Variants in FTO observed in about 807,000 individuals in gnomAD.
FTO encodes alpha-ketoglutarate-dependent dioxygenase FTO.
FTO carries 47 observed loss-of-function variants against 63.9 expected under a neutral mutation model. The ratio of observed to expected loss-of-function variants is 0.74; its 90% CI spans 0.58 to 0.94. The LOEUF (loss-of-function observed/expected upper bound fraction) is 0.94, where lower values mean the gene tolerates loss of function less well. FTO is among the 40% of genes least tolerant of loss of function. The probability of loss-of-function intolerance (pLI) is 0.00; values close to 1 mark genes in which losing one functional copy is unlikely to be tolerated. For synonymous variants in FTO, 207 were observed against 224.4 expected, an observed-to-expected ratio of 0.92 and a Z score of 0.69; for missense variants, 562 against 618.1, an observed-to-expected ratio of 0.91 and a Z score of 0.96.
In FTO at chr16:53,793,274, T is replaced by G. The variant is rs57703448; in HGVS notation, c.46-16866T>G. ...CCGCAATCACTCCCTAATCTTTATTTCTTTTTTGCTTCGCATCATATACAT... is the reference window on the plus strand; with the variant it reads ...CCGCAATCACTCCCTAATCTTTATTGCTTTTTTGCTTCGCATCATATACAT... On this transcript the variant is annotated intron_variant, in intron 1 of 8. Coordinates refer to ENST00000471389, the MANE Select transcript of FTO (RefSeq NM_001080432.3). Among the ~76,000 whole-genome samples the G allele has an allele frequency of 2.0e-3, 307 of 152,312 alleles. 2 individuals are homozygous for G. Among genetic ancestry groups the G allele is most frequent in the African/African-American group, 6.7e-3 (279 of 41,572 alleles).
chr16:54,093,120 C>G (rs1164595478), intron 8 of FTO, among the ~76,000 whole-genome samples: 2 of 152,198 alleles, frequency 1.3e-5, no homozygotes, highest in Non-Finnish European at 1.5e-5. Context: ...TGGGACCCAT[C>G]CATTCATGCC....
rs541618531 is a variant in FTO at position 53,772,760 on chromosome 16, T to C, written c.46-37380T>C. Among the ~76,000 whole-genome samples, 3 of 152,268 alleles carry C rather than the reference T, an allele frequency of 2.0e-5. No homozygotes were observed. In the South Asian group the frequency reaches 6.2e-4, roughly 32 times the overall value. On this transcript the variant is annotated intron_variant, in intron 1 of 8. Coordinates refer to ENST00000471389, the MANE Select transcript of FTO (RefSeq NM_001080432.3). ...ATCATCAGCTTGGAAGCAGTCTCCA[T>C]GGGAAAAGTAATTTTGATTCAAAGG...
chr16:54,113,347 TGAA>T lies in FTO; in HGVS notation c.*1435_*1437del, dbSNP rs1191056040. 1 of 152,210 alleles carries T rather than the reference TGAA, an allele frequency of 6.6e-6. No individual in the cohort carries two copies. Among genetic ancestry groups the T allele is most frequent in the Admixed American group, 6.5e-5 (1 of 15,290 alleles). 9.4% of individuals were successfully genotyped at this position (152,210 alleles called of 1,614,324 possible). On this transcript the variant is annotated 3_prime_UTR_variant, in exon 9 of 9. Coordinates refer to ENST00000471389, the MANE Select transcript of FTO (RefSeq NM_001080432.3). ...TAGTTGTTCACAGTAGTTGAGAAGTTGAAGAGCTTTTGCCTATTGAAGGTGCAC... is the reference window on the plus strand; with the variant it reads ...TAGTTGTTCACAGTAGTTGAGAAGTTGAGCTTTTGCCTATTGAAGGTGCAC...
chr16:53,798,424 C>CAT (rs1425784463), intron 1 of FTO, among the ~76,000 whole-genome samples: 2 of 152,086 alleles, frequency 1.3e-5, no homozygotes, highest in Non-Finnish European at 2.9e-5. Flanking sequence ...ACTAACATGG[C>CAT]ATATCTCTTT....
intron 8 of FTO, among the ~76,000 whole-genome samples, chr16:53,983,538 A>G (rs2083595091): frequency 6.6e-6 from 1 of 152,212 alleles, no homozygotes; most frequent in Admixed American, 6.5e-5. Flanking sequence ...GAGTTTCAGA[A>G]ACCCTTTTCT....
intron 1 of FTO, among the ~76,000 whole-genome samples, chr16:53,725,428 A>G (rs1279189236): frequency 1.3e-5 from 2 of 152,258 alleles, no homozygotes; most frequent in East Asian, 3.8e-4. Flanking sequence ...CTATCCAAAT[A>G]GTATGTGAGT....
chr16:54,038,589 G>T (rs2084998271), intron 8 of FTO, among the ~76,000 whole-genome samples: 2 of 152,204 alleles, frequency 1.3e-5, no homozygotes, highest in Non-Finnish European at 2.9e-5. Context: ...AGTGGAGGCT[G>T]TTTGGGTCAT....
chr16:53,839,015 T>C (rs369235987), intron 3 of FTO, among the ~76,000 whole-genome samples: 1 of 152,230 alleles, frequency 6.6e-6, no homozygotes, highest in South Asian at 2.1e-4. Context: ...CTGGCTTCTG[T>C]CTTTGTTTCC....
chr16:53,880,548 C>A (rs1294553417), intron 6 of FTO, among the ~76,000 whole-genome samples: 3 of 152,116 alleles, frequency 2.0e-5, no homozygotes, highest in Non-Finnish European at 4.4e-5. Flanking sequence ...AATTTATCCT[C>A]ACTGTTCTGG....
rs989534997 is a variant in FTO at position 54,112,571 on chromosome 16, C to G, written c.*656C>G. On this transcript the variant is annotated 3_prime_UTR_variant, in exon 9 of 9. Transcript: ENST00000471389. ...AGTTTGAGAGCAGGAATTCTCATTTCCATTCGTCTGTAGCTTCTATCCCCA... is the reference window on the plus strand; with the variant it reads ...AGTTTGAGAGCAGGAATTCTCATTTGCATTCGTCTGTAGCTTCTATCCCCA... The G allele has an allele frequency of 6.6e-6, 1 of 152,518 alleles. No individual in the cohort carries two copies. The highest frequency in any genetic ancestry group is 2.4e-5 in the African/African-American group (1 of 41,432). The allele number at this position is 152,518 out of a possible 1,614,324, so 9.4% of individuals were successfully genotyped here.
At chr16:53,925,087 G>A (rs1319087385) in intron 7 of FTO, among the ~76,000 whole-genome samples, 1 of 149,898 alleles carries the variant, frequency 6.7e-6, no homozygotes, top group Non-Finnish European at 1.5e-5. Flanking sequence ...AAAAAAAAAG[G>A]AAGGAGAGAA....
At chr16:53,966,056 T>C (rs1260640509) in intron 8 of FTO, among the ~76,000 whole-genome samples, 3 of 151,944 alleles carry the variant, frequency 2.0e-5, no homozygotes, top group Non-Finnish European at 4.4e-5. Flanking sequence ...TTAGTAGAGA[T>C]GGGGTTTCAC....
At chr16:53,940,025 G>A (rs2082490698) in intron 8 of FTO, among the ~76,000 whole-genome samples, 1 of 151,994 alleles carries the variant, frequency 6.6e-6, no homozygotes, top group African/African-American at 2.4e-5. Context: ...TGGAATTGCT[G>A]GGTCATATGG....
At chr16:53,947,929 T>C (rs2082687685) in intron 8 of FTO, among the ~76,000 whole-genome samples, 1 of 152,162 alleles carries the variant, frequency 6.6e-6, no homozygotes, top group African/African-American at 2.4e-5. Context: ...TCTAGTGGCA[T>C]TGGAAACGGG....
At chr16:54,024,970 G>A (rs564566297) in intron 8 of FTO, among the ~76,000 whole-genome samples, 10 of 152,302 alleles carry the variant, frequency 6.6e-5, no homozygotes, top group East Asian at 5.8e-4. Flanking sequence ...TAGGCAATAA[G>A]CCATTAAGAA....
At chr16:53,951,647 G>A (rs1194622172) in intron 8 of FTO, among the ~76,000 whole-genome samples, 1 of 151,728 alleles carries the variant, frequency 6.6e-6, no homozygotes. Flanking sequence ...TTGAAATCAT[G>A]CACTCTATTA....
At chr16:53,813,422 G>A (rs886552335) in intron 2 of FTO, among the ~76,000 whole-genome samples, 1 of 152,004 alleles carries the variant, frequency 6.6e-6, no homozygotes, top group Non-Finnish European at 1.5e-5. Flanking sequence ...ATGTTGGCCA[G>A]GCTGGTCTCA....
At chr16:53,888,992 G>A in intron 7 of FTO, 41 bp downstream of exon 7, 1 of 1,610,042 alleles carries the variant, frequency 6.2e-7, no homozygotes, top group Non-Finnish European at 8.5e-7. Context: ...CTGGGCTGCT[G>A]TGTTATACAA....
chr16:53,983,331 G>A (rs1248969517), intron 8 of FTO, among the ~76,000 whole-genome samples: 2 of 152,048 alleles, frequency 1.3e-5, no homozygotes, highest in African/African-American at 4.8e-5. Flanking sequence ...TTTAAAACAT[G>A]CAACAGACCC....
Sources: gnomAD v4.1 joint callset for allele counts (sites outside exome capture counted in the v4.1 genomes callset) on GRCh38, gnomAD v4.1.1 for gene constraint, MANE v1.5 for transcripts, NCBI Gene and HGNC (gene_info 2026-07-23, HGNC 2026-07-21) for gene names.